VPS53: variants seen among roughly 807,000 people sequenced by gnomAD.
VPS53 encodes VPS53 subunit of GARP complex.
VPS53 carries 70 observed loss-of-function variants against 107.0 expected under a neutral mutation model. The observed-to-expected ratio is 0.65, with a 90% CI of 0.54 to 0.80. The LOEUF (loss-of-function observed/expected upper bound fraction) is 0.80, where lower values mean the gene tolerates loss of function less well. Among genes scored for constraint, VPS53 ranks in the 30% least tolerant of loss-of-function variants. The pLI is 0.00. For synonymous variants in VPS53, 409 were observed against 393.3 expected (o/e 1.04, Z -0.47); for missense variants, 917 against 1,049.4 (o/e 0.87, Z 1.74).
chr17:710,247 CCTA>C (rs1291756724), intron 2 of VPS53, among the ~76,000 whole-genome samples: 3 of 152,070 alleles, frequency 2.0e-5, no homozygotes, highest in East Asian at 1.9e-4. Context: ...CCCACTTGTC[CCTA>C]CTACATTATA....
chr17:543,174 A>C (rs1367182983), intron 17 of VPS53, among the ~76,000 whole-genome samples: 1 of 152,150 alleles, frequency 6.6e-6, no homozygotes, highest in Non-Finnish European at 1.5e-5. Context: ...AAATGAGAAC[A>C]GACTTGTCTT....
intron 4 of VPS53, among the ~76,000 whole-genome samples, chr17:685,814 A>G (rs2143820931): frequency 6.6e-6 from 1 of 152,192 alleles, no homozygotes; most frequent in East Asian, 1.9e-4. Flanking sequence ...AGCCAGAGCA[A>G]TAAAGGAACA....
At chr17:572,498 A>G (rs916250475) in intron 13 of VPS53, among the ~76,000 whole-genome samples, 5 of 150,978 alleles carry the variant, frequency 3.3e-5, no homozygotes, top group African/African-American at 1.2e-4. Flanking sequence ...GGAAGTGAGG[A>G]GCCCCTCTGC....
At chr17:591,515 T>C (rs1186629760) in intron 12 of VPS53, among the ~76,000 whole-genome samples, 3 of 152,212 alleles carry the variant, frequency 2.0e-5, no homozygotes, top group African/African-American at 7.2e-5. Flanking sequence ...TGTGGGCATT[T>C]AGTGCTACAA....
intron 19 of VPS53, among the ~76,000 whole-genome samples, chr17:522,384 CTT>C (rs1908825515): frequency 6.6e-6 from 1 of 152,192 alleles, no homozygotes; most frequent in Non-Finnish European, 1.5e-5. Context: ...TCTTTGCAGT[CTT>C]TAAAAAACAA....
intron 2 of VPS53, chr17:705,902 TC>T (rs1160305308): frequency 1.3e-5 from 2 of 151,922 alleles, no homozygotes; most frequent in African/African-American, 2.4e-5. Context: ...AGACCCCATC[TC>T]AAAAAAAAAT....
intron 4 of VPS53, among the ~76,000 whole-genome samples, chr17:665,775 C>T (rs958077084): frequency 2.0e-5 from 3 of 152,272 alleles, no homozygotes; most frequent in South Asian, 2.1e-4. Flanking sequence ...GAGCCTGAGG[C>T]GGGCGGATCG....
chr17:604,895 A>G (rs1968492802), intron 11 of VPS53, among the ~76,000 whole-genome samples: 1 of 152,170 alleles, frequency 6.6e-6, no homozygotes. Context: ...TGGCCCTAGG[A>G]GTAGAGCAGT....
intron 7 of VPS53, among the ~76,000 whole-genome samples, chr17:636,963 T>C (rs1970223786): frequency 1.3e-5 from 2 of 152,216 alleles, no homozygotes; most frequent in Admixed American, 1.3e-4. Context: ...CCTCTTTTTC[T>C]ATTGATTGGA....
In VPS53 at chr17:588,011, T is replaced by C. The variant is rs418004; in HGVS notation, c.1219-1647A>G. On this transcript the variant is annotated intron_variant, in intron 12 of 21. Coordinates refer to ENST00000437048, the MANE Select transcript of VPS53 (RefSeq NM_001128159.3). The stretch of plus-strand genomic sequence containing the variant: ...CTCCTCCCACCCCTGTTGTTACGAT[T>C]ATTATTACTTGTGGTAAGAATGCTT... Among the ~76,000 whole-genome samples, 1,384 of 152,284 alleles carry C rather than the reference T, an allele frequency of 9.1e-3. 25 individuals are homozygous for C. The highest frequency in any genetic ancestry group is 0.032 in the African/African-American group (1,324 of 41,558).
intron 2 of VPS53, among the ~76,000 whole-genome samples, chr17:710,130 AG>A (rs1407044248): frequency 6.6e-6 from 1 of 152,118 alleles, no homozygotes; most frequent in Non-Finnish European, 1.5e-5. Context: ...GAACGACAAC[AG>A]CAAAACTCCG....
intron 11 of VPS53, among the ~76,000 whole-genome samples, chr17:604,323 G>A (rs999212109): frequency 1.3e-5 from 2 of 152,048 alleles, no homozygotes; most frequent in African/African-American, 2.4e-5. Context: ...TCAAGAAAAC[G>A]CAGAGGGTAG....
At chr17:596,959 A>G (rs1968003538) in intron 12 of VPS53, among the ~76,000 whole-genome samples, 2 of 152,230 alleles carry the variant, frequency 1.3e-5, no homozygotes, top group Non-Finnish European at 2.9e-5. Context: ...TTTCATTACT[A>G]CCCAATGTAA....
chr17:559,248 T>G (rs1418446022), intron 15 of VPS53, among the ~76,000 whole-genome samples: 1 of 152,174 alleles, frequency 6.6e-6, no homozygotes, highest in African/African-American at 2.4e-5. Flanking sequence ...GCTAATATGA[T>G]TATTTGAGGA....
At chr17:611,229 G>T (rs907494695) in intron 11 of VPS53, among the ~76,000 whole-genome samples, 1 of 152,186 alleles carries the variant, frequency 6.6e-6, no homozygotes, top group East Asian at 1.9e-4. Flanking sequence ...GGCCAGGCTG[G>T]TCTTGAACTC....
At chr17:655,015 C>T (rs983487426) in intron 6 of VPS53, among the ~76,000 whole-genome samples, 14 of 152,126 alleles carry the variant, frequency 9.2e-5, no homozygotes, top group African/African-American at 2.9e-4. Flanking sequence ...GGAAGGGGCC[C>T]GCCCCTCCTC....
chr17:642,579 G>A (rs1308145748), intron 7 of VPS53, among the ~76,000 whole-genome samples: 1 of 150,064 alleles, frequency 6.7e-6, no homozygotes, highest in African/African-American at 2.5e-5. Context: ...ACTCATACTT[G>A]GCAACTGAGG....
At position 655,959 on chromosome 17, in the gene VPS53, C is replaced by T. The variant is rs1196902467; in HGVS notation, c.373-6G>A. The T allele has an allele frequency of 6.2e-7, 1 of 1,609,840 alleles. No homozygotes were observed. Among genetic ancestry groups the T allele is most frequent in the East Asian group, 2.2e-5 (1 of 44,822 alleles). On this transcript the variant is annotated splice_region_variant and splice_polypyrimidine_tract_variant and intron_variant, in intron 5 of 21. Coordinates refer to ENST00000437048, the MANE Select transcript of VPS53 (RefSeq NM_001128159.3). ...TCACGGGTGATTTCTTTCACCTAAA[C>T]ATTGAAAAACCACAAGAAAGAAAGG...
At chr17:653,703 A>G (rs1253750382) in intron 6 of VPS53, among the ~76,000 whole-genome samples, 1 of 152,240 alleles carries the variant, frequency 6.6e-6, no homozygotes, top group Non-Finnish European at 1.5e-5. Context: ...CGGCAGGAAG[A>G]ATGTGTGAGT....
Sources: gnomAD v4.1 joint callset for allele counts (sites outside exome capture counted in the v4.1 genomes callset) on GRCh38, gnomAD v4.1.1 for gene constraint, MANE v1.5 for transcripts, NCBI Gene and HGNC (gene_info 2026-07-23, HGNC 2026-07-21) for gene names.